The following CDHR1 variants were observed in gnomAD, a reference collection of about 807,000 sequenced individuals.
CDHR1 encodes the protein cadherin-related family member 1.
CDHR1 carries 61 observed loss-of-function variants against 72.1 expected under a neutral mutation model. The observed-to-expected ratio is 0.85, with a 90% CI of 0.69 to 1.05. The LOEUF is 1.05. CDHR1 is among the 50% of genes least tolerant of loss of function. CDHR1 has a pLI of 0.00. For missense variants in CDHR1, 1,186 were observed against 1,115.7 expected (o/e 1.06, Z -0.90); for synonymous variants, 470 against 448.1 (o/e 1.05, Z -0.62).
rs573699308 is a variant in CDHR1, at chr10:84,214,680, C to G, written c.*59C>G. ...CCCTGACCCCCACCACCCTGCTGCT[C>G]GGACTATGCTCCCCTTCCTCTGCTC... On this transcript the variant is annotated 3_prime_UTR_variant, in exon 17 of 17. Transcript: ENST00000623527. 2.5e-6 allele frequency: 4 copies of G among 1,596,424 alleles called. No individual in the cohort carries two copies. Among genetic ancestry groups the G allele is most frequent in the Non-Finnish European group, 3.4e-6 (4 of 1,178,662 alleles).
At position 84,215,703 on chromosome 10, in the gene CDHR1, A is replaced by C. The variant is rs886047340; in HGVS notation, c.*1082A>C. 11 of 985,364 alleles carry C rather than the reference A, an allele frequency of 1.1e-5. No individual in the cohort carries two copies. Among genetic ancestry groups the C allele is most frequent in the South Asian group, 4.7e-5 (1 of 21,296 alleles). 61.0% of individuals were successfully genotyped at this position (985,364 alleles called of 1,614,324 possible). On this transcript the variant is annotated 3_prime_UTR_variant, in exon 17 of 17. Transcript: ENST00000623527. ...GCATGAATGCAAAGTATTTTTCTGC[A>C]GCCCAGTTCTGTGGGTGCAGCTCTT...
chr10:84,197,634 G>T lies in CDHR1; in HGVS notation c.298-152G>T, dbSNP rs1842051671. 4 of 747,374 alleles carry T rather than the reference G, an allele frequency of 5.4e-6. No individual in the cohort carries two copies. In the Middle Eastern group the frequency reaches 9.0e-4, roughly 168 times the overall value. The allele number at this position is 747,374 out of a possible 1,614,324, so 46.3% of individuals were successfully genotyped here. On this transcript the variant is annotated intron_variant, in intron 3 of 16. Coordinates refer to ENST00000623527, the MANE Select transcript of CDHR1 (RefSeq NM_033100.4). Reference sequence around the variant, plus strand: ...GGCAGCTTTCTACTCTGCCAGGCATGCTGTCACCACCACTTACCCTGCTCC... The same window carrying T: ...GGCAGCTTTCTACTCTGCCAGGCATTCTGTCACCACCACTTACCCTGCTCC...
Position 84,204,559 on chromosome 10 carries a change from T to C in CDHR1, c.816T>C (p.Asp272=), listed in dbSNP as rs766487238. 8 of 1,613,900 alleles carry C rather than the reference T, an allele frequency of 5.0e-6. No individual in the cohort carries two copies. The East Asian group carries it at 1.1e-4, about 22-fold the overall frequency. ...AGGTACTGAAGGTGGTCGCCATGGATGGAGACCGGGGCAAACCCAATCGAA... is the reference window on the plus strand; with the variant it reads ...AGGTACTGAAGGTGGTCGCCATGGACGGAGACCGGGGCAAACCCAATCGAA... The part of the protein sequence containing the change: ...GSEVLKVVAM[D]GDRGKPNRIL... Residue 272 remains aspartate, a synonymous_variant, in exon 9 of 17, where the codon GAT becomes GAC. Coordinates refer to ENST00000623527, the MANE Select transcript of CDHR1 (RefSeq NM_033100.4).
In CDHR1 at chr10:84,211,174, G is replaced by A; in HGVS notation, c.1485+9G>A. On this transcript the variant is annotated intron_variant, in intron 13 of 16. Coordinates refer to ENST00000623527, the MANE Select transcript of CDHR1 (RefSeq NM_033100.4). ...GCGTGGTGGCTGTCACAGTGGGTTG[G>A]GCACTGGCCCAGGGACTGGGTGGGA... 6 of 1,614,178 alleles carry A rather than the reference G, an allele frequency of 3.7e-6. No homozygotes were observed. Among genetic ancestry groups the A allele is most frequent in the Non-Finnish European group, 5.1e-6 (6 of 1,180,008 alleles).
Position 84,214,714 on chromosome 10 carries a change from C to A in CDHR1, c.*93C>A. 6.3e-7 allele frequency: 1 copy of A among 1,587,618 alleles called. No individual in the cohort carries two copies. The highest frequency in any genetic ancestry group is 1.1e-5 in the South Asian group (1 of 89,208). On this transcript the variant is annotated 3_prime_UTR_variant, in exon 17 of 17. Transcript: ENST00000623527. ...CTCCCCTTCCTCTGCTCCTTAAGGT[C>A]ACTGACCCCTGTTTTGCACAATGGT...
chr10:84,197,451 A>G (rs1279447788), intron 3 of CDHR1, among the ~76,000 whole-genome samples: 2 of 152,232 alleles, frequency 1.3e-5, no homozygotes, highest in Non-Finnish European at 2.9e-5. Flanking sequence ...GAAAGAGGAA[A>G]AGTCTTTATG....
chr10:84,203,519 A>G (rs946034604), intron 8 of CDHR1, among the ~76,000 whole-genome samples: 2 of 152,036 alleles, frequency 1.3e-5, no homozygotes, highest in East Asian at 1.9e-4. Flanking sequence ...GGTTCAGGCA[A>G]TTCTCCTGCC....
downstream of CDHR1, chr10:84,218,967 T>A (rs4562751): frequency 0.16 from 88,490 of 557,506 alleles, 8,087 homozygotes; most frequent in Middle Eastern, 0.19. Flanking sequence ...ACTTTGTATG[T>A]TAAAAAAAAA....
Position 84,217,328 on chromosome 10 carries a change from G to C in CDHR1, c.*2707G>C. On this transcript the variant is annotated 3_prime_UTR_variant, in exon 17 of 17. Transcript: ENST00000623527. ...GCCCATTCCTGGCCCTGAGAATGGAGCTGTAGCCTCATGGACAATAAATGG... is the reference window on the plus strand; with the variant it reads ...GCCCATTCCTGGCCCTGAGAATGGACCTGTAGCCTCATGGACAATAAATGG... 1.0e-6 allele frequency: 1 copy of C among 985,294 alleles called. No homozygotes were observed. Among genetic ancestry groups the C allele is most frequent in the Non-Finnish European group, 1.2e-6 (1 of 829,818 alleles). The allele number at this position is 985,294 out of a possible 1,614,324, so 61.0% of individuals were successfully genotyped here.
rs372127366 is a variant in CDHR1, at chr10:84,204,521, C to T, written c.784-6C>T. 2.4e-5 allele frequency: 38 copies of T among 1,609,008 alleles called. No individual in the cohort carries two copies. In the African/African-American group the frequency reaches 3.3e-4, roughly 14 times the overall value. On this transcript the variant is annotated splice_polypyrimidine_tract_variant and splice_region_variant and intron_variant, in intron 8 of 16. Transcript: ENST00000623527. ...ATCAGGCAGCGGCTGTTCCTGTTTCCCCGAGGGCTCGGAGGTACTGAAGGT... is the reference window on the plus strand; with the variant it reads ...ATCAGGCAGCGGCTGTTCCTGTTTCTCCGAGGGCTCGGAGGTACTGAAGGT...
chr10:84,210,773 A>G (rs1263478734), intron 12 of CDHR1, among the ~76,000 whole-genome samples: 2 of 152,202 alleles, frequency 1.3e-5, no homozygotes, highest in East Asian at 1.9e-4. Flanking sequence ...ACTGACCCCA[A>G]TACAGATGGG....
At chr10:84,194,938 C>A in intron 1 of CDHR1, 123 bp downstream of exon 1, 2 of 965,040 alleles carry the variant, frequency 2.1e-6, no homozygotes, top group Non-Finnish European at 3.2e-6. Flanking sequence ...GGCTGGTGGA[C>A]GGGAGCGGAG....
rs115955756 is a variant in CDHR1 at position 84,210,941 on chromosome 10, G to T, written c.1321-60G>T. On this transcript the variant is annotated intron_variant, in intron 12 of 16. Transcript: ENST00000623527. ...CATCAGTCCTGGGGAGATGAGGTGGGAAGGCTCTCTGCAGCATGAGTGCCT... is the reference window on the plus strand; with the variant it reads ...CATCAGTCCTGGGGAGATGAGGTGGTAAGGCTCTCTGCAGCATGAGTGCCT... The T allele has an allele frequency of 9.1e-4, 1,442 of 1,576,456 alleles. 16 individuals are homozygous for T. In the African/African-American group the frequency reaches 0.017, roughly 19 times the overall value.
At position 84,215,051 on chromosome 10, in the gene CDHR1, T is replaced by G; in HGVS notation, c.*430T>G. Reference sequence around the variant, plus strand: ...GCAACACTGACTAGAATCTGGATCCTGACGCCTGCAGCTGAGAGCAGGAGC... The same window carrying G: ...GCAACACTGACTAGAATCTGGATCCGGACGCCTGCAGCTGAGAGCAGGAGC... On this transcript the variant is annotated 3_prime_UTR_variant, in exon 17 of 17. Coordinates refer to ENST00000623527, the MANE Select transcript of CDHR1 (RefSeq NM_033100.4). The G allele has an allele frequency of 9.4e-7, 1 of 1,065,598 alleles. No homozygotes were observed. Among genetic ancestry groups the G allele is most frequent in the Non-Finnish European group, 1.1e-6 (1 of 877,732 alleles). 66.0% of individuals were successfully genotyped at this position (1,065,598 alleles called of 1,614,324 possible). A position where few individuals can be genotyped will look rare whatever the true frequency, so the allele number is the denominator to read the frequency against.
Position 84,206,571 on chromosome 10 carries a change from A to T in CDHR1, c.963+644A>T, listed in dbSNP as rs555476951. 1.3e-3 allele frequency among the ~76,000 whole-genome samples: 202 copies of T among 152,348 alleles called. 5 individuals are homozygous for T. The South Asian group carries it at 0.041, about 31-fold the overall frequency. On this transcript the variant is annotated intron_variant, in intron 10 of 16. Transcript: ENST00000623527. ...GTAGCTGGTCCTACCCAAGAGCAGTAAGGAGCCATTGGAAGGTTTTCAGCA... is the reference window on the plus strand; with the variant it reads ...GTAGCTGGTCCTACCCAAGAGCAGTTAGGAGCCATTGGAAGGTTTTCAGCA...
chr10:84,194,735 A>G lies in CDHR1; in HGVS notation c.-26A>G. The G allele has an allele frequency of 1.4e-6, 2 of 1,476,600 alleles. No homozygotes were observed. The highest frequency in any genetic ancestry group is 1.8e-6 in the Non-Finnish European group (2 of 1,124,574). 91.5% of individuals were successfully genotyped at this position (1,476,600 alleles called of 1,614,324 possible). A position where few individuals can be genotyped will look rare whatever the true frequency, so the allele number is the denominator to read the frequency against. ...CCCTGCGCCCGGTCTCGGCGGCGGC[A>G]GGCGACACTCCGCGCCGGCGGAGAC... On this transcript the variant is annotated 5_prime_UTR_variant, in exon 1 of 17. Transcript: ENST00000623527.
intron 3 of CDHR1, 129 bp downstream of exon 3, chr10:84,196,779 C>T: frequency 1.9e-6 from 2 of 1,049,884 alleles, no homozygotes; most frequent in Non-Finnish European, 2.9e-6. Context: ...ACACCCCAGG[C>T]ACATCCACTC....
intron 5 of CDHR1, 148 bp from the exon 6 acceptor site, chr10:84,200,453 A>G: frequency 2.9e-6 from 2 of 680,312 alleles, no homozygotes; most frequent in South Asian, 3.3e-5. Context: ...CCCAGCCCCC[A>G]CTGGGTGCTC....
rs1842279243 is a variant in CDHR1 at position 84,208,847 on chromosome 10, T to C, written c.1286T>C (p.Ile429Thr). Residue 429 changes from isoleucine to threonine, a missense_variant, in exon 12 of 17, where the codon ATT (isoleucine) becomes ACT (threonine). By Grantham distance (89) the Ile-to-Thr change is moderately conservative (BLOSUM62 -1). Transcript: ENST00000623527. ...VTIIVENSAAIDFEKSKVLTF... is the reference protein window; with the variant it reads ...VTIIVENSAATDFEKSKVLTF... Reference sequence around the variant, plus strand: ...ATCATTGTGGAGAACTCAGCTGCCATTGACTTTGAAAAGTCCAAAGTATTA... The same window carrying C: ...ATCATTGTGGAGAACTCAGCTGCCACTGACTTTGAAAAGTCCAAAGTATTA... 1 of 1,614,200 alleles carries C rather than the reference T, an allele frequency of 6.2e-7. No homozygotes were observed. The highest frequency in any genetic ancestry group is 8.5e-7 in the Non-Finnish European group (1 of 1,180,030).
Sources: allele counts gnomAD v4.1 joint callset (sites outside exome capture counted in the v4.1 genomes callset), GRCh38; gene constraint gnomAD v4.1.1; transcripts MANE v1.5; gene names NCBI Gene and HGNC (gene_info 2026-07-23, HGNC 2026-07-21).